Variants in STIP1 observed in about 807,000 individuals in gnomAD.
The protein encoded by STIP1 is stress-induced-phosphoprotein 1.
In STIP1, 16 loss-of-function variants were observed where a neutral mutation model predicts 77.4. The observed-to-expected ratio is 0.21, with a 90% CI of 0.14 to 0.31. The LOEUF is 0.31. Among genes scored for constraint, STIP1 ranks in the 10% least tolerant of loss-of-function variants. The pLI, the probability that STIP1 is intolerant of heterozygous loss-of-function variation, is 1.00. For synonymous variants in STIP1, 258 were observed against 246.6 expected (o/e 1.05, Z -0.44); for missense variants, 524 against 684.8 (o/e 0.77, Z 2.62).
chr11:64,194,683 CCT>C, intron 4 of STIP1, 63 bp downstream of exon 4: 1 of 1,579,978 alleles, frequency 6.3e-7, no homozygotes. Context: ...CTTCCTGTAA[CCT>C]CACAGCAGAG....
chr11:64,195,076 A>G (rs1337970816), intron 4 of STIP1, among the ~76,000 whole-genome samples: 4 of 152,190 alleles, frequency 2.6e-5, no homozygotes, highest in Non-Finnish European at 1.5e-5. Flanking sequence ...ACCTTGAGGA[A>G]TAAACTTGAC....
intron 1 of STIP1, among the ~76,000 whole-genome samples, chr11:64,192,295 C>CAA (rs986515676): frequency 3.3e-5 from 5 of 152,166 alleles, no homozygotes; most frequent in Non-Finnish European, 7.3e-5. Flanking sequence ...GCCTGGGTGA[C>CAA]AGAGTGAGAC....
rs776726845 is a variant in STIP1, at chr11:64,195,801, G to A, written c.660G>A (p.Glu220=). Residue 220 remains glutamate, a synonymous_variant, in exon 5 of 14, where the codon GAG becomes GAA. Coordinates refer to ENST00000305218, the MANE Select transcript of STIP1 (RefSeq NM_006819.3). ...KPEPMEEDLP[E]NKKQALKEKE... ...AGCCAATGGAAGAAGATCTTCCAGA[G>A]AATAAGAAGCAGGTCTTGTTTTTTT... The A allele has an allele frequency of 2.5e-6, 4 of 1,613,976 alleles. No homozygotes were observed. Among genetic ancestry groups the A allele is most frequent in the Admixed American group, 1.7e-5 (1 of 59,996 alleles).
chr11:64,202,761 C>A lies in STIP1; in HGVS notation c.1246-115C>A, dbSNP rs1001156271. 19 of 1,136,392 alleles carry A rather than the reference C, an allele frequency of 1.7e-5. No individual in the cohort carries two copies. In the East Asian group the frequency reaches 4.5e-4, roughly 27 times the overall value. 70.4% of individuals were successfully genotyped at this position (1,136,392 alleles called of 1,614,324 possible). ...CTGGAGTTGTCTTTCCTGATGTTGT[C>A]CCCTCTGTTTGGTGCTGGGTGAGGC... On this transcript the variant is annotated intron_variant, in intron 10 of 13. Transcript: ENST00000305218.
At position 64,203,606 on chromosome 11, in the gene STIP1, C is replaced by T. The variant is rs146267054; in HGVS notation, c.1543C>T (p.Pro515Ser). Reference sequence around the variant, plus strand: ...TATCCTGGAACAGATGCAGAAGGACCCCCAGGCACTCAGCGAGTACGTAGA... The same window carrying T: ...TATCCTGGAACAGATGCAGAAGGACTCCCAGGCACTCAGCGAGTACGTAGA... ...RLILEQMQKD[P>S]QALSEHLKNP... The change falls in exon 13 of 14, where the codon CCC (proline) becomes TCC (serine). Residue 515 changes from proline to serine, a missense_variant. Physicochemically the swap from Pro to Ser is moderately conservative, Grantham distance 74. Coordinates refer to ENST00000305218, the MANE Select transcript of STIP1 (RefSeq NM_006819.3). 1.2e-6 allele frequency: 2 copies of T among 1,614,050 alleles called. No individual in the cohort carries two copies. The highest frequency in any genetic ancestry group is 2.7e-5 in the African/African-American group (2 of 74,928).
At chr11:64,192,863 A>G (rs1158094771) in intron 1 of STIP1, among the ~76,000 whole-genome samples, 1 of 152,206 alleles carries the variant, frequency 6.6e-6, no homozygotes, top group East Asian at 1.9e-4. Flanking sequence ...GCCAGCGTGG[A>G]GTGCAGCCTG....
In STIP1 at chr11:64,194,256, A is replaced by G; in HGVS notation, c.287A>G (p.Glu96Gly). 1.2e-6 allele frequency: 2 copies of G among 1,614,238 alleles called. No homozygotes were observed. The highest frequency in any genetic ancestry group is 1.7e-6 in the Non-Finnish European group (2 of 1,180,048). The change falls in exon 3 of 14, where the codon GAG becomes GGG. Residue 96 changes from glutamate (E) to glycine (G), a missense_variant. By Grantham distance (98) the Glu-to-Gly change is moderately conservative. Transcript: ENST00000305218. ...TTTGAAGAAGCCAAGCGAACCTATGAGGAGGGCTTAAAACACGAGGCAAAT... is the reference window on the plus strand; with the variant it reads ...TTTGAAGAAGCCAAGCGAACCTATGGGGAGGGCTTAAAACACGAGGCAAAT... ...NRFEEAKRTY[E>G]EGLKHEANNP...
intron 1 of STIP1, 55 bp downstream of exon 1, chr11:64,186,325 C>A: frequency 7.0e-7 from 1 of 1,422,278 alleles, no homozygotes; most frequent in South Asian, 1.4e-5. Context: ...CCGGCGGTGG[C>A]CAGGCCGCGG....
chr11:64,197,516 T>A lies in STIP1; in HGVS notation c.823T>A (p.Tyr275Asn), dbSNP rs772397632. The stretch of plus-strand genomic sequence containing the variant: ...AGCGGTATACTTTGAAAAGGGCGAC[T>A]ACAATAAGTGCCGGGAGCTTTGTGA... ...QAAVYFEKGD[Y>N]NKCRELCEKA... Residue 275 changes from tyrosine (Y) to asparagine (N), a missense_variant, in exon 7 of 14, where the codon TAC (tyrosine) becomes AAC (asparagine). Tyr to Asn is a moderately radical substitution (Grantham distance 143). Coordinates refer to ENST00000305218, the MANE Select transcript of STIP1 (RefSeq NM_006819.3). 1 of 1,614,018 alleles carries A rather than the reference T, an allele frequency of 6.2e-7. No individual in the cohort carries two copies. The highest frequency in any genetic ancestry group is 8.5e-7 in the Non-Finnish European group (1 of 1,180,036).
At chr11:64,203,101 ACG>A (rs757736173) in intron 11 of STIP1, 22 bp from the exon 12 acceptor site, 1 of 1,613,930 alleles carries the variant, frequency 6.2e-7, no homozygotes, top group East Asian at 2.2e-5. Flanking sequence ...CGGTTGGATA[ACG>A]CGCCACCTTT....
upstream of STIP1, chr11:64,185,670 A>T: frequency 9.5e-7 from 1 of 1,050,016 alleles, no homozygotes; most frequent in African/African-American, 1.6e-5. Flanking sequence ...CGCCGGCGAC[A>T]CAGCTACAGA....
rs1417796680 is a variant in STIP1, at chr11:64,186,206, T to C, written c.-56T>C. The stretch of plus-strand genomic sequence containing the variant: ...AGGTTCCAGAAGGCGGCGCGTGCGG[T>C]TGGGAACGCGGAGCGGACGGATTCG... On this transcript the variant is annotated 5_prime_UTR_variant, in exon 1 of 14. Transcript: ENST00000305218. 3 of 1,549,916 alleles carry C rather than the reference T, an allele frequency of 1.9e-6. No individual in the cohort carries two copies. The highest frequency in any genetic ancestry group is 2.4e-5 in the East Asian group (1 of 40,962).
rs1219574823 is a variant in STIP1 at position 64,204,280 on chromosome 11, T to C, written c.*154T>C. Reference sequence around the variant, plus strand: ...CGGGGAAGACACAGAGACTCGTACCTGCGCTGTTTGTGCCGCCGCTGCCTC... The same window carrying C: ...CGGGGAAGACACAGAGACTCGTACCCGCGCTGTTTGTGCCGCCGCTGCCTC... On this transcript the variant is annotated 3_prime_UTR_variant, in exon 14 of 14. Coordinates refer to ENST00000305218, the MANE Select transcript of STIP1 (RefSeq NM_006819.3). 3 of 736,070 alleles carry C rather than the reference T, an allele frequency of 4.1e-6. No individual in the cohort carries two copies. Among genetic ancestry groups the C allele is most frequent in the Non-Finnish European group, 6.5e-6 (3 of 461,370 alleles). 45.6% of individuals were successfully genotyped at this position (736,070 alleles called of 1,614,324 possible).
At chr11:64,196,471 G>C (rs1946151797) in intron 5 of STIP1, among the ~76,000 whole-genome samples, 1 of 151,458 alleles carries the variant, frequency 6.6e-6, no homozygotes, top group Non-Finnish European at 1.5e-5. Context: ...TGCGGGAGTT[G>C]CCCTTCCCGT....
At chr11:64,186,347 G>A in intron 1 of STIP1, 77 bp downstream of exon 1, 1 of 1,304,486 alleles carries the variant, frequency 7.7e-7, no homozygotes, top group Non-Finnish European at 1.0e-6. Context: ...AGGGGGGCGG[G>A]GCGGGCGCCG....
At position 64,200,239 on chromosome 11, in the gene STIP1, C is replaced by T. The variant is rs529184149; in HGVS notation, c.1191C>T (p.Tyr397=). 1.9e-6 allele frequency: 3 copies of T among 1,614,180 alleles called. No homozygotes were observed. Among genetic ancestry groups the T allele is most frequent in the Admixed American group, 1.7e-5 (1 of 60,002 alleles). ...IKRNPKDAKL[Y]SNRAACYTKL... ...GGAACCCGAAAGATGCCAAATTATA[C>T]AGCAATCGAGCTGCCTGCTACACCA... The change falls in exon 10 of 14, where the codon TAC becomes TAT. Residue 397 remains tyrosine, a synonymous_variant. Coordinates refer to ENST00000305218, the MANE Select transcript of STIP1 (RefSeq NM_006819.3).
chr11:64,200,064 G>T, intron 9 of STIP1, 28 bp downstream of exon 9: 1 of 1,614,182 alleles, frequency 6.2e-7, no homozygotes, highest in Non-Finnish European at 8.5e-7. Context: ...GGGATTGGGG[G>T]AGCAGTGCTG....
In STIP1 at chr11:64,204,286, G is replaced by A; in HGVS notation, c.*160G>A. ...AGACACAGAGACTCGTACCTGCGCT[G>A]TTTGTGCCGCCGCTGCCTCTGGGCC... On this transcript the variant is annotated 3_prime_UTR_variant, in exon 14 of 14. Coordinates refer to ENST00000305218, the MANE Select transcript of STIP1 (RefSeq NM_006819.3). 2 of 701,894 alleles carry A rather than the reference G, an allele frequency of 2.8e-6. No individual in the cohort carries two copies. 43.5% of individuals were successfully genotyped at this position (701,894 alleles called of 1,614,324 possible). A position where few individuals can be genotyped will look rare whatever the true frequency, so the allele number is the denominator to read the frequency against.
intron 10 of STIP1, among the ~76,000 whole-genome samples, chr11:64,202,183 C>A (rs953427151): frequency 2.0e-5 from 3 of 152,100 alleles, no homozygotes; most frequent in Admixed American, 1.3e-4. Flanking sequence ...GACTTGCCCA[C>A]TTCTCCAAAA....
Sources: allele counts gnomAD v4.1 joint callset (sites outside exome capture counted in the v4.1 genomes callset), GRCh38; gene constraint gnomAD v4.1.1; transcripts MANE v1.5; gene names NCBI Gene and HGNC (gene_info 2026-07-23, HGNC 2026-07-21).